The following GRIK4 variants were observed in gnomAD, a reference collection of about 807,000 sequenced individuals.
GRIK4 encodes the protein glutamate ionotropic receptor kainate type subunit 4.
In GRIK4, 40 loss-of-function variants were observed where a neutral mutation model predicts 104.9. The ratio of observed to expected loss-of-function variants is 0.38; its 90% confidence interval spans 0.30 to 0.50. The LOEUF is 0.50. Ranked by LOEUF, GRIK4 falls within the 20% of genes least tolerant of loss-of-function variation. GRIK4 has a pLI of 0.93. For synonymous variants in GRIK4, 485 were observed against 524.9 expected (o/e 0.92, Z 1.04); for missense variants, 1,047 against 1,308.1 (o/e 0.80, Z 3.08).
chr11:120,822,938 A>G (rs909047177), intron 6 of GRIK4, among the ~76,000 whole-genome samples: 1 of 152,208 alleles, frequency 6.6e-6, no homozygotes, highest in Non-Finnish European at 1.5e-5. Flanking sequence ...TCCCACTTCA[A>G]GGAACACAGT....
rs116541193 is a variant in GRIK4 at position 120,796,834 on chromosome 11, G to A, written c.83-5859G>A. Among the ~76,000 whole-genome samples the A allele has an allele frequency of 9.9e-3, 1,504 of 152,028 alleles. 35 individuals carry two copies. The highest frequency in any genetic ancestry group is 0.033 in the African/African-American group (1,367 of 41,420). ...ACCTTGAGCGGGTCAGTGGCTGTAT[G>A]CCCTCTCGGGGTCGCCACGGCCACA... On this transcript the variant is annotated intron_variant, in intron 3 of 20. Transcript: ENST00000527524.
intron 1 of GRIK4, among the ~76,000 whole-genome samples, chr11:120,535,618 G>C (rs914692472): frequency 2.6e-5 from 4 of 152,092 alleles, no homozygotes; most frequent in African/African-American, 9.7e-5. Context: ...AGGACAGCTC[G>C]GGATCCCGGT....
intron 3 of GRIK4, among the ~76,000 whole-genome samples, chr11:120,788,870 C>T (rs1307108563): frequency 2.6e-5 from 4 of 152,078 alleles, no homozygotes; most frequent in Non-Finnish European, 5.9e-5. Context: ...CGCTCCTCCA[C>T]CTGCTGCCAT....
At chr11:120,627,775 A>G (rs1949280245) in intron 1 of GRIK4, among the ~76,000 whole-genome samples, 1 of 152,142 alleles carries the variant, frequency 6.6e-6, no homozygotes, top group Non-Finnish European at 1.5e-5. Context: ...AGATAAGCAG[A>G]GAGGGTCCCC....
chr11:120,866,754 G>A (rs572256535), intron 9 of GRIK4, among the ~76,000 whole-genome samples: 7 of 152,304 alleles, frequency 4.6e-5, no homozygotes, highest in African/African-American at 1.2e-4. Context: ...ATCAGATTCT[G>A]CGTCTACTTT....
chr11:120,922,052 C>T (rs1382885388), intron 13 of GRIK4, among the ~76,000 whole-genome samples: 1 of 152,196 alleles, frequency 6.6e-6, no homozygotes, highest in African/African-American at 2.4e-5. Flanking sequence ...CACCCAGACT[C>T]CCAACACTGT....
chr11:120,637,006 G>A (rs1004821212), intron 1 of GRIK4, among the ~76,000 whole-genome samples: 1 of 152,176 alleles, frequency 6.6e-6, no homozygotes, highest in East Asian at 1.9e-4. Flanking sequence ...GCTTCTGCCT[G>A]CTTCGGGTCT....
intron 8 of GRIK4, among the ~76,000 whole-genome samples, chr11:120,854,745 T>G (rs1040583814): frequency 2.0e-5 from 3 of 152,234 alleles, no homozygotes; most frequent in African/African-American, 4.8e-5. Flanking sequence ...AGCTCTCCTA[T>G]GTATTATCTT....
intron 2 of GRIK4, among the ~76,000 whole-genome samples, chr11:120,658,893 C>T (rs551903212): frequency 3.0e-4 from 46 of 151,752 alleles, no homozygotes; most frequent in African/African-American, 8.9e-4. Context: ...GGACTATAGG[C>T]GCCTGCCACC....
At position 120,967,339 on chromosome 11, in the gene GRIK4, G is replaced by GCCATC; in HGVS notation, c.2395+18_2395+22dup. On this transcript the variant is annotated intron_variant, in intron 19 of 20. Transcript: ENST00000527524. This position sits in a 1 kb window ranked among gnomAD's most constrained non-coding sequence, Gnocchi z 4.2. ...AGAGCTAAAGGTAAGGACGTTCAGG[G>GCCATC]CCATCCTCCTCCTGCCCTAGAGGAC... 1.9e-6 allele frequency: 3 copies of GCCATC among 1,603,704 alleles called. No individual in the cohort carries two copies. Among genetic ancestry groups the GCCATC allele is most frequent in the Middle Eastern group, 1.7e-4 (1 of 6,004 alleles).
At chr11:120,817,635 C>T (rs1043778926) in intron 5 of GRIK4, among the ~76,000 whole-genome samples, 7 of 152,214 alleles carry the variant, frequency 4.6e-5, no homozygotes, top group East Asian at 1.9e-4. Flanking sequence ...CACACACCTC[C>T]GTGATGGCTT....
chr11:120,847,985 G>C (rs1953890522), intron 8 of GRIK4, among the ~76,000 whole-genome samples: 1 of 152,216 alleles, frequency 6.6e-6, no homozygotes, highest in South Asian at 2.1e-4. Flanking sequence ...CCTAAAGATG[G>C]CATAGCCTTG....
rs757614245 is a variant in GRIK4, at chr11:120,549,763, A to G, written c.-159+37876A>G. Among the ~76,000 whole-genome samples, 35 of 152,092 alleles carry G rather than the reference A, an allele frequency of 2.3e-4. No homozygotes were observed. The highest frequency in any genetic ancestry group is 4.4e-4 in the Non-Finnish European group (30 of 68,006). ...CTGCTGCAGACAGGGGACACAATGGAATCCTCAAGGAGGACAGAGCCCCTA... is the reference window on the plus strand; with the variant it reads ...CTGCTGCAGACAGGGGACACAATGGGATCCTCAAGGAGGACAGAGCCCCTA... On this transcript the variant is annotated intron_variant, in intron 1 of 20. Coordinates refer to ENST00000527524, the MANE Select transcript of GRIK4 (RefSeq NM_014619.5). This position sits in a 1 kb window ranked among gnomAD's most constrained non-coding sequence, Gnocchi z 4.7.
At chr11:120,683,411 A>C (rs934382849) in intron 3 of GRIK4, among the ~76,000 whole-genome samples, 1 of 152,162 alleles carries the variant, frequency 6.6e-6, no homozygotes, top group Non-Finnish European at 1.5e-5. Flanking sequence ...AGGGGCGGGG[A>C]GATCAAGAAT....
Position 120,555,450 on chromosome 11 carries a change from G to A in GRIK4, c.-159+43563G>A, listed in dbSNP as rs150580576. Among the ~76,000 whole-genome samples, 6 of 152,174 alleles carry A rather than the reference G, an allele frequency of 3.9e-5. No individual in the cohort carries two copies. The highest frequency in any genetic ancestry group is 8.8e-5 in the Non-Finnish European group (6 of 68,040). The stretch of plus-strand genomic sequence containing the variant: ...GAGCTTGCTAAAAAAGCTTTCTACC[G>A]GGCTGCTTATGTACTCGCCGAGCCA... On this transcript the variant is annotated intron_variant, in intron 1 of 20. Transcript: ENST00000527524. This position sits in a 1 kb window ranked among gnomAD's most constrained non-coding sequence, Gnocchi z 5.3.
At chr11:120,739,245 G>T (rs2135404951) in intron 3 of GRIK4, among the ~76,000 whole-genome samples, 1 of 152,304 alleles carries the variant, frequency 6.6e-6, no homozygotes, top group Non-Finnish European at 1.5e-5. Context: ...TAATAGTAGT[G>T]CCTGCTTGTA....
At chr11:120,676,497 T>C (rs1396979363) in intron 3 of GRIK4, among the ~76,000 whole-genome samples, 1 of 152,208 alleles carries the variant, frequency 6.6e-6, no homozygotes, top group East Asian at 1.9e-4. Context: ...GCTTTCGTAC[T>C]GCATCACAAC....
rs542200259 is a variant in GRIK4, at chr11:120,650,123, C to T, written c.-158-3562C>T. 3.9e-5 allele frequency among the ~76,000 whole-genome samples: 6 copies of T among 152,336 alleles called. No homozygotes were observed. In the South Asian group the frequency reaches 1.2e-3, roughly 32 times the overall value. ...TCCACCTCCCGTGGCTGGCAATGAG[C>T]TCTTCCTCCTCTCACCTCTGCCTAC... On this transcript the variant is annotated intron_variant, in intron 1 of 20. Transcript: ENST00000527524.
intron 19 of GRIK4, among the ~76,000 whole-genome samples, chr11:120,980,404 T>C (rs1231130581): frequency 6.6e-6 from 1 of 152,210 alleles, no homozygotes; most frequent in Admixed American, 6.5e-5. Flanking sequence ...AGTATCTGCC[T>C]ACAACCCCAG....
Sources: allele counts gnomAD v4.1 joint callset (sites outside exome capture counted in the v4.1 genomes callset), GRCh38; gene constraint gnomAD v4.1.1; non-coding constraint Gnocchi (gnomAD v3.1); transcripts MANE v1.5; gene names NCBI Gene and HGNC (gene_info 2026-07-23, HGNC 2026-07-21).